CRB1: variants seen among roughly 807,000 people sequenced by gnomAD.
The protein encoded by CRB1 is protein crumbs homolog 1.
A neutral mutation model predicts 120.0 loss-of-function variants in CRB1; 83 were observed. The ratio of observed to expected loss-of-function variants is 0.69; its 90% CI spans 0.58 to 0.83. CRB1 has a LOEUF of 0.83. CRB1 is among the 40% of genes least tolerant of loss of function. The pLI, the probability that CRB1 is intolerant of heterozygous loss-of-function variation, is 0.00. For missense variants in CRB1, 1,699 were observed against 1,687.6 expected (o/e 1.01, Z -0.12); for synonymous variants, 625 against 612.5 (o/e 1.02, Z -0.30).
chr1:197,438,205 C>T, intron 9 of CRB1: 1 of 326,418 alleles, frequency 3.1e-6, no homozygotes, highest in Non-Finnish European at 6.0e-6. Context: ...TTTCCTATGG[C>T]CTTTATTGAT....
the CRB1 span, among the ~76,000 whole-genome samples, chr1:197,211,053 G>A: frequency 1.3e-5 from 2 of 152,058 alleles, no homozygotes; most frequent in African/African-American, 2.4e-5. Context: ...CATCACAAAC[G>A]TAAAATACCT....
chr1:197,469,523 G>A (rs1012251140), intron 11 of CRB1, among the ~76,000 whole-genome samples: 2 of 152,162 alleles, frequency 1.3e-5, no homozygotes, highest in African/African-American at 2.4e-5. Flanking sequence ...TGAAAAGGAT[G>A]TGCTTTGAAA....
the CRB1 span, among the ~76,000 whole-genome samples, chr1:197,252,538 TTATATATATATATATATATATATATA>T: frequency 2.2e-4 from 6 of 27,820 alleles, no homozygotes; most frequent in South Asian, 2.0e-3. Flanking sequence ...CCAATAGATT[TTATATATATATATATATATATATATA>T]TATATATATA....
chr1:197,376,405 A>G (rs750491490), intron 5 of CRB1, among the ~76,000 whole-genome samples: 2 of 152,200 alleles, frequency 1.3e-5, no homozygotes, highest in Non-Finnish European at 1.5e-5. Flanking sequence ...GCTAAAGCAA[A>G]CAAACAAAAT....
At chr1:197,329,136 G>C in intron 2 of CRB1, 133 bp downstream of exon 2, 1 of 803,792 alleles carries the variant, frequency 1.2e-6, no homozygotes, top group Non-Finnish European at 2.1e-6. Flanking sequence ...TCAATCACTA[G>C]ATAGAAACTC....
chr1:197,312,208 A>G (rs1348405246), intron 1 of CRB1, among the ~76,000 whole-genome samples: 2 of 152,202 alleles, frequency 1.3e-5, no homozygotes, highest in Admixed American at 1.3e-4. Flanking sequence ...ATTAGTTGCT[A>G]TTCACTGAAA....
chr1:197,396,402 T>G (rs1387007589), intron 5 of CRB1, among the ~76,000 whole-genome samples: 1 of 152,180 alleles, frequency 6.6e-6, no homozygotes, highest in African/African-American at 2.4e-5. Context: ...TTTTGCAAAT[T>G]TAATCTCTGC....
chr1:197,403,782 C>T (rs1301283553), intron 5 of CRB1, among the ~76,000 whole-genome samples: 2 of 152,018 alleles, frequency 1.3e-5, no homozygotes, highest in African/African-American at 4.8e-5. Context: ...CTTTCTCTCT[C>T]TCTCCCTCTC....
rs1231064044 is a variant in CRB1 at position 197,390,666 on chromosome 1, T to G, written c.1172-30334T>G. ...TACCCATAAAGGTCCTCTGTTGACATTTTAAACCAGAGTAAATATAATACA... is the reference window on the plus strand; with the variant it reads ...TACCCATAAAGGTCCTCTGTTGACAGTTTAAACCAGAGTAAATATAATACA... On this transcript the variant is annotated intron_variant, in intron 5 of 11. Coordinates refer to ENST00000367400, the MANE Select transcript of CRB1 (RefSeq NM_201253.3). 2.6e-5 allele frequency among the ~76,000 whole-genome samples: 4 copies of G among 152,162 alleles called. No individual in the cohort carries two copies. The South Asian group carries it at 6.2e-4, about 24-fold the overall frequency.
the CRB1 span, among the ~76,000 whole-genome samples, chr1:197,226,074 T>C: frequency 6.6e-6 from 1 of 151,946 alleles, no homozygotes; most frequent in Non-Finnish European, 1.5e-5. Context: ...CTAACTTTTG[T>C]ATCTTTTGTG....
chr1:197,233,270 G>C, the CRB1 span, among the ~76,000 whole-genome samples: 1 of 152,142 alleles, frequency 6.6e-6, no homozygotes, highest in Non-Finnish European at 1.5e-5. Flanking sequence ...AGTTCCTGGA[G>C]GAATGAAAAT....
the CRB1 span, among the ~76,000 whole-genome samples, chr1:197,210,860 G>T: frequency 1.1e-4 from 17 of 152,144 alleles, no homozygotes; most frequent in African/African-American, 4.1e-4. Context: ...TCTCTTTCCA[G>T]TGTCTTCCTT....
At chr1:197,291,360 A>T (rs1195008313) in intron 1 of CRB1, among the ~76,000 whole-genome samples, 1 of 151,838 alleles carries the variant, frequency 6.6e-6, no homozygotes, top group Admixed American at 6.6e-5. Flanking sequence ...ATTTTATTTT[A>T]GCTTTTAATT....
chr1:197,375,806 GA>G (rs569106781), intron 5 of CRB1, among the ~76,000 whole-genome samples: 6 of 151,462 alleles, frequency 4.0e-5, no homozygotes, highest in Admixed American at 2.6e-4. Flanking sequence ...CTATCCTCTG[GA>G]AAAAAAATGC....
Position 197,438,491 on chromosome 1 carries a change from T to A in CRB1, c.3750-56T>A. 1.2e-5 allele frequency: 20 copies of A among 1,605,026 alleles called. No homozygotes were observed. In the South Asian group the frequency reaches 2.1e-4, roughly 17 times the overall value. On this transcript the variant is annotated intron_variant, in intron 9 of 11. Transcript: ENST00000367400. ...CATACATGAATTTATCAGAAAACTT[T>A]TCTTGAATGAGATGAACAAGATGAA...
At chr1:197,377,228 T>C (rs931669679) in intron 5 of CRB1, among the ~76,000 whole-genome samples, 1 of 151,958 alleles carries the variant, frequency 6.6e-6, no homozygotes, top group Non-Finnish European at 1.5e-5. Flanking sequence ...TTCCATTAAT[T>C]TTTAATCTCC....
At chr1:197,357,403 A>G (rs1338632955) in intron 5 of CRB1, 3 of 273,792 alleles carry the variant, frequency 1.1e-5, no homozygotes, top group African/African-American at 2.2e-5. Flanking sequence ...ACACTGGGAA[A>G]AATGACCTAG....
At chr1:197,354,031 A>AC (rs1483139180) in intron 4 of CRB1, among the ~76,000 whole-genome samples, 1 of 150,958 alleles carries the variant, frequency 6.6e-6, no homozygotes, top group African/African-American at 2.4e-5. Context: ...AAAAAAAAAA[A>AC]AAAACACCCC....
At chr1:197,428,731 A>C (rs1664722285) in intron 7 of CRB1, among the ~76,000 whole-genome samples, 1 of 152,188 alleles carries the variant, frequency 6.6e-6, no homozygotes, top group Non-Finnish European at 1.5e-5. Context: ...TAATCCACTT[A>C]GTTCTATTGA....
Sources: gnomAD v4.1 joint callset for allele counts (sites outside exome capture counted in the v4.1 genomes callset) on GRCh38, gnomAD v4.1.1 for gene constraint, MANE v1.5 for transcripts, NCBI Gene and HGNC (gene_info 2026-07-23, HGNC 2026-07-21) for gene names.